The following BPTF variants were observed in gnomAD, a reference collection of about 807,000 sequenced individuals.
The protein encoded by BPTF is nucleosome-remodeling factor subunit BPTF.
BPTF carries 18 observed loss-of-function variants against 292.5 expected under a neutral mutation model. The observed-to-expected ratio is 0.06, with a 90% CI of 0.04 to 0.09. The LOEUF is 0.09. Ranked by LOEUF, BPTF falls within the 10% of genes least tolerant of loss-of-function variation. The pLI, the probability that BPTF is intolerant of heterozygous loss-of-function variation, is 1.00. For synonymous variants in BPTF, 1,225 were observed against 1,251.9 expected, an observed-to-expected ratio of 0.98 and a Z score of 0.45; for missense variants, 2,726 against 3,498.7, an observed-to-expected ratio of 0.78 and a Z score of 5.57.
At chr17:67,830,597 G>T (rs2056576846) in intron 1 of BPTF, among the ~76,000 whole-genome samples, 1 of 151,578 alleles carries the variant, frequency 6.6e-6, no homozygotes, top group African/African-American at 2.4e-5. Flanking sequence ...GGATGGGCAT[G>T]TGGAGAGTAA....
chr17:67,914,553 G>A (rs1392288161), intron 11 of BPTF, among the ~76,000 whole-genome samples: 2 of 152,190 alleles, frequency 1.3e-5, no homozygotes, highest in Admixed American at 6.5e-5. Context: ...ATGTATCCTT[G>A]ACTGTCCTGC....
chr17:67,869,965 A>G (rs912904897), intron 3 of BPTF, among the ~76,000 whole-genome samples: 3 of 141,172 alleles, frequency 2.1e-5, no homozygotes, highest in African/African-American at 8.0e-5. Flanking sequence ...GAGCCACTGC[A>G]CTCCAGCCTG....
chr17:67,843,278 A>C (rs945529388), intron 1 of BPTF, among the ~76,000 whole-genome samples: 1 of 150,342 alleles, frequency 6.7e-6, no homozygotes, highest in South Asian at 2.1e-4. Flanking sequence ...ATACATATAG[A>C]TATGTAGACA....
chr17:67,896,164 G>T (rs59640213), intron 7 of BPTF, among the ~76,000 whole-genome samples: 2 of 151,998 alleles, frequency 1.3e-5, no homozygotes, highest in East Asian at 1.9e-4. Flanking sequence ...GGGTTTCACC[G>T]TGTTAGCCAG....
intron 17 of BPTF, among the ~76,000 whole-genome samples, chr17:67,930,561 T>A (rs1049075763): frequency 6.6e-6 from 1 of 152,144 alleles, no homozygotes; most frequent in African/African-American, 2.4e-5. Context: ...ACTAGCATTG[T>A]GGAAAAAGGT....
intron 27 of BPTF, among the ~76,000 whole-genome samples, chr17:67,980,438 G>A (rs1276961226): frequency 1.3e-5 from 2 of 152,262 alleles, no homozygotes; most frequent in Non-Finnish European, 2.9e-5. Flanking sequence ...GGACAGAGGA[G>A]CACAACTTCT....
At chr17:67,976,717 A>ACG (rs1707050457) in intron 27 of BPTF, among the ~76,000 whole-genome samples, 2 of 9,806 alleles carry the variant, frequency 2.0e-4, no homozygotes, top group South Asian at 0.021. Context: ...AAAAAAAAAT[A>ACG]AGAATAAAAG....
In BPTF at chr17:67,844,054, C is replaced by T. The variant is rs1283321040; in HGVS notation, c.614-9886C>T. On this transcript the variant is annotated intron_variant, in intron 1 of 27. Transcript: ENST00000306378. ...TGCTGGGATTACAGGTGTGAGCCAC[C>T]GTGCCCGGCCCCCGCCTTTTTTTTT... is the stretch of plus-strand genomic sequence containing the variant. Among the ~76,000 whole-genome samples the T allele has an allele frequency of 1.3e-4, 19 of 145,418 alleles. No homozygotes were observed. The East Asian group carries it at 2.2e-3, about 17-fold the overall frequency.
rs1555687547 is a variant in BPTF, at chr17:67,966,565, A to G, written c.8455-7A>G. The G allele has an allele frequency of 2.5e-6, 4 of 1,610,360 alleles. No homozygotes were observed. Among genetic ancestry groups the G allele is most frequent in the Non-Finnish European group, 1.7e-6 (2 of 1,177,354 alleles). On this transcript the variant is annotated splice_polypyrimidine_tract_variant and splice_region_variant and intron_variant, in intron 25 of 27. Transcript: ENST00000306378. ...CTGACAATAATGATGCTGCTTTTTC[A>G]TTATAGGCCCATAAGATGGCCTGGC...
chr17:67,880,692 C>T (rs1042251811), intron 4 of BPTF, among the ~76,000 whole-genome samples: 7 of 151,618 alleles, frequency 4.6e-5, no homozygotes, highest in African/African-American at 1.5e-4. Flanking sequence ...GCTGGATTGC[C>T]GTAAAGTGGC....
intron 27 of BPTF, chr17:67,981,383 C>A: frequency 1.3e-6 from 1 of 780,386 alleles, no homozygotes; most frequent in Non-Finnish European, 1.7e-6. Context: ...TTCATTACTG[C>A]ACTTTGTTAT....
chr17:67,913,451 A>C, intron 11 of BPTF, among the ~76,000 whole-genome samples: 1 of 152,226 alleles, frequency 6.6e-6, no homozygotes, highest in Non-Finnish European at 1.5e-5. Context: ...TTCATAAGAC[A>C]AAAGGAACAT....
In BPTF at chr17:67,946,097, G is replaced by A; in HGVS notation, c.7389G>A (p.Val2463=). 6.2e-7 allele frequency: 1 copy of A among 1,614,134 alleles called. No homozygotes were observed. The highest frequency in any genetic ancestry group is 8.5e-7 in the Non-Finnish European group (1 of 1,180,028). Residue 2463 remains valine, a synonymous_variant, in exon 21 of 28, where the codon GTG becomes GTA. Coordinates refer to ENST00000306378, the MANE Select transcript of BPTF (RefSeq NM_182641.4). The part of the protein sequence containing the change: ...VAQIQAQQSG[V]PQQIKLQLPI... ...AGATACAGGCTCAGCAAAGTGGTGT[G>A]CCCCAGCAAATCAAACTCCAGTTAC...
chr17:67,834,609 A>C (rs1348610194), intron 1 of BPTF, among the ~76,000 whole-genome samples: 1 of 152,138 alleles, frequency 6.6e-6, no homozygotes, highest in East Asian at 1.9e-4. Flanking sequence ...TCCTTCCTAA[A>C]GTCCATAAAC....
At chr17:67,873,364 A>G (rs2059865190) in intron 3 of BPTF, among the ~76,000 whole-genome samples, 1 of 151,698 alleles carries the variant, frequency 6.6e-6, no homozygotes, top group Admixed American at 6.6e-5. Context: ...AGGCTGGGGC[A>G]GGAGAATTGC....
chr17:67,911,813 A>G lies in BPTF; in HGVS notation c.3929A>G (p.Asn1310Ser), dbSNP rs2062672700. ...AGTGAAGAAGATATGATTGTTCAGA[A>G]TAGCAATGAAAGCATTTCTGAACAG... ...DSSEEDMIVQ[N>S]SNESISEQFR... Residue 1310 changes from asparagine (N) to serine (S), a missense_variant, in exon 11 of 28, where the codon AAT becomes AGT. Coordinates refer to ENST00000306378, the MANE Select transcript of BPTF (RefSeq NM_182641.4). The G allele has an allele frequency of 2.5e-6, 4 of 1,614,242 alleles. No homozygotes were observed. Among genetic ancestry groups the G allele is most frequent in the Non-Finnish European group, 3.4e-6 (4 of 1,180,040 alleles).
chr17:67,893,822 G>A, intron 6 of BPTF, 97 bp downstream of exon 6: 1 of 1,227,572 alleles, frequency 8.1e-7, no homozygotes, highest in Non-Finnish European at 1.1e-6. Context: ...TTACCAATGA[G>A]TTGAATGAAG....
chr17:67,945,495 G>T lies in BPTF; in HGVS notation c.6787G>T (p.Val2263Leu), dbSNP rs1451565975. Residue 2263 changes from valine to leucine, a missense_variant, in exon 21 of 28, where the codon GTG becomes TTG. Transcript: ENST00000306378. ...KTLPPAQSSS[V>L]GPAEAQPQTA... ...CCTGCCACCAGCTCAGTCATCAAGT[G>T]TGGGTCCAGCAGAAGCCCAGCCACA... 6.2e-7 allele frequency: 1 copy of T among 1,614,004 alleles called. No homozygotes were observed. The highest frequency in any genetic ancestry group is 1.3e-5 in the African/African-American group (1 of 74,912).
intron 11 of BPTF, among the ~76,000 whole-genome samples, chr17:67,918,081 GA>G (rs1477310132): frequency 2.0e-5 from 3 of 152,012 alleles, no homozygotes; most frequent in Non-Finnish European, 4.4e-5. Flanking sequence ...TTACAGGCAT[GA>G]GCCACCATGC....
Sources: allele counts gnomAD v4.1 joint callset (sites outside exome capture counted in the v4.1 genomes callset), GRCh38; gene constraint gnomAD v4.1.1; transcripts MANE v1.5; gene names NCBI Gene and HGNC (gene_info 2026-07-23, HGNC 2026-07-21).